The following ZMAT4 variants were observed in gnomAD, a reference collection of about 807,000 sequenced individuals.
ZMAT4 encodes the protein zinc finger matrin-type 4.
A neutral mutation model predicts 28.7 loss-of-function variants in ZMAT4; 17 were observed. That is an observed-to-expected ratio of 0.59 (90% CI 0.41 to 0.89). The LOEUF is 0.89. Ranked by LOEUF, ZMAT4 falls within the 40% of genes least tolerant of loss-of-function variation. The pLI is 0.00. For synonymous variants in ZMAT4, 117 were observed against 109.2 expected (o/e 1.07, Z -0.44); for missense variants, 240 against 283.8 (o/e 0.85, Z 1.11).
At chr8:40,860,804 G>T (rs1817460687) in intron 1 of ZMAT4, among the ~76,000 whole-genome samples, 1 of 152,230 alleles carries the variant, frequency 6.6e-6, no homozygotes, top group Non-Finnish European at 1.5e-5. Flanking sequence ...GGAGTCTGCA[G>T]TCTGGAGGTG....
intron 3 of ZMAT4, among the ~76,000 whole-genome samples, chr8:40,725,240 G>A (rs1186073191): frequency 1.2e-4 from 19 of 152,136 alleles, no homozygotes; most frequent in Admixed American, 1.2e-3. Context: ...TTGTAAAGTG[G>A]CAGTCAGGCT....
chr8:40,628,664 T>C (rs1185803775), intron 5 of ZMAT4, among the ~76,000 whole-genome samples: 1 of 152,102 alleles, frequency 6.6e-6, no homozygotes, highest in African/African-American at 2.4e-5. Context: ...GTTGACAAGA[T>C]GGTGTAAAGG....
intron 1 of ZMAT4, among the ~76,000 whole-genome samples, chr8:40,859,616 T>C (rs968603373): frequency 1.3e-5 from 2 of 152,164 alleles, no homozygotes; most frequent in Non-Finnish European, 2.9e-5. Flanking sequence ...AGAGGCAGTT[T>C]CTCCTCTACA....
Position 40,826,824 on chromosome 8 carries a change from G to A in ZMAT4, c.-4-1144C>T, listed in dbSNP as rs114910292. Among the ~76,000 whole-genome samples the A allele has an allele frequency of 5.4e-3, 827 of 152,180 alleles. 9 individuals carry two copies. Among genetic ancestry groups the A allele is most frequent in the African/African-American group, 0.018 (765 of 41,504 alleles). On this transcript the variant is annotated intron_variant, in intron 1 of 6. Transcript: ENST00000297737. ...CTCAAGCTTCTGAAAGCGATCTGTCGGAAACGGATCTTATGGCAGCTGAAG... is the reference window on the plus strand; with the variant it reads ...CTCAAGCTTCTGAAAGCGATCTGTCAGAAACGGATCTTATGGCAGCTGAAG...
At chr8:40,723,542 C>CAAAAAAAA (rs58513087) in intron 3 of ZMAT4, among the ~76,000 whole-genome samples, 680 of 66,824 alleles carry the variant, frequency 0.01, 38 homozygotes, top group Non-Finnish European at 0.015. Context: ...GATTCCATCT[C>CAAAAAAAA]AAAAAAAAAA....
At chr8:40,785,858 G>A (rs948543349) in intron 2 of ZMAT4, among the ~76,000 whole-genome samples, 2 of 152,036 alleles carry the variant, frequency 1.3e-5, no homozygotes, top group African/African-American at 4.8e-5. Flanking sequence ...TTTCAAATAA[G>A]CCTGGCCCAC....
intron 3 of ZMAT4, among the ~76,000 whole-genome samples, chr8:40,715,285 T>TG (rs994560564): frequency 2.6e-5 from 4 of 151,840 alleles, no homozygotes; most frequent in Non-Finnish European, 4.4e-5. Flanking sequence ...CAGGCAGTGA[T>TG]GGGGAAATGA....
chr8:40,764,111 G>A (rs1023553379), intron 3 of ZMAT4, among the ~76,000 whole-genome samples: 3 of 152,056 alleles, frequency 2.0e-5, no homozygotes, highest in Admixed American at 6.5e-5. Context: ...GGTGAAAAAC[G>A]GAGACTCTCA....
intron 2 of ZMAT4, among the ~76,000 whole-genome samples, chr8:40,812,430 A>G (rs1002711323): frequency 2.0e-5 from 3 of 152,232 alleles, no homozygotes; most frequent in Non-Finnish European, 4.4e-5. Context: ...GCTGAGGGCC[A>G]TCCTACCAAA....
chr8:40,535,867 G>A (rs1201283508), intron 6 of ZMAT4, among the ~76,000 whole-genome samples: 1 of 152,158 alleles, frequency 6.6e-6, no homozygotes, highest in Non-Finnish European at 1.5e-5. Flanking sequence ...CCTTAGCCAT[G>A]ATGAAGCCTA....
At chr8:40,813,495 G>A (rs958165941) in intron 2 of ZMAT4, among the ~76,000 whole-genome samples, 1 of 152,226 alleles carries the variant, frequency 6.6e-6, no homozygotes, top group East Asian at 1.9e-4. Flanking sequence ...TCACTCCAGG[G>A]GTAGAAGAAG....
intron 1 of ZMAT4, among the ~76,000 whole-genome samples, chr8:40,891,005 C>T (rs1379244316): frequency 1.3e-5 from 2 of 151,554 alleles, no homozygotes; most frequent in Non-Finnish European, 2.9e-5. Context: ...ACCTAATACA[C>T]CTGACTATAT....
Position 40,782,571 on chromosome 8 carries a change from G to A in ZMAT4, c.103-14841C>T, listed in dbSNP as rs138834122. ...TATCTCAATTAAAATCATGGGCAAA[G>A]GACTTAGTTAAAGAAAACCAGAGCT... On this transcript the variant is annotated intron_variant, in intron 2 of 6. Transcript: ENST00000297737. 3.1e-3 allele frequency among the ~76,000 whole-genome samples: 469 copies of A among 152,214 alleles called. 5 individuals carry two copies. Among genetic ancestry groups the A allele is most frequent in the East Asian group, 5.4e-3 (28 of 5,176 alleles).
At chr8:40,695,996 T>C (rs955463228) in intron 4 of ZMAT4, among the ~76,000 whole-genome samples, 1 of 152,020 alleles carries the variant, frequency 6.6e-6, no homozygotes, top group South Asian at 2.1e-4. Flanking sequence ...AGGTGTCTAT[T>C]TTAAGAGATT....
intron 2 of ZMAT4, among the ~76,000 whole-genome samples, chr8:40,810,872 G>A (rs536165309): frequency 1.2e-4 from 18 of 152,074 alleles, no homozygotes; most frequent in African/African-American, 3.4e-4. Context: ...CAAACGATAC[G>A]AATAGAAATC....
At chr8:40,673,475 ATGT>A (rs961273231) in intron 5 of ZMAT4, among the ~76,000 whole-genome samples, 46 of 152,252 alleles carry the variant, frequency 3.0e-4, no homozygotes, top group African/African-American at 1.1e-3. Context: ...TGATTTGCAA[ATGT>A]TGTTATCTAT....
At chr8:40,716,804 A>G (rs905807248) in intron 3 of ZMAT4, among the ~76,000 whole-genome samples, 2 of 152,188 alleles carry the variant, frequency 1.3e-5, no homozygotes, top group Admixed American at 1.3e-4. Context: ...TCTAAAAGCA[A>G]GTCTCCTTGA....
chr8:40,709,296 G>A (rs1019759172), intron 3 of ZMAT4, among the ~76,000 whole-genome samples: 46 of 151,996 alleles, frequency 3.0e-4, no homozygotes, highest in African/African-American at 1.1e-3. Context: ...TTGACCTGCA[G>A]TTGGTTGAAT....
chr8:40,864,995 C>T (rs779327798), intron 1 of ZMAT4, among the ~76,000 whole-genome samples: 1 of 152,086 alleles, frequency 6.6e-6, no homozygotes, highest in East Asian at 1.9e-4. Flanking sequence ...AAAAGGGTGA[C>T]ATTGCACACA....
Sources: gnomAD v4.1 joint callset for allele counts (sites outside exome capture counted in the v4.1 genomes callset) on GRCh38, gnomAD v4.1.1 for gene constraint, MANE v1.5 for transcripts, NCBI Gene and HGNC (gene_info 2026-07-23, HGNC 2026-07-21) for gene names.